The following OTULIN variants were observed in gnomAD, a reference collection of about 807,000 sequenced individuals.
OTULIN encodes OTU deubiquitinase with linear linkage specificity.
A neutral mutation model predicts 39.6 loss-of-function variants in OTULIN; 15 were observed. That is an observed-to-expected ratio of 0.38 (90% CI 0.25 to 0.58). The LOEUF (loss-of-function observed/expected upper bound fraction) is 0.58, where lower values mean the gene tolerates loss of function less well. Ranked by LOEUF, OTULIN falls within the 20% of genes least tolerant of loss-of-function variation. The probability of loss-of-function intolerance (pLI) is 0.66; values close to 1 mark genes in which losing one functional copy is unlikely to be tolerated. For missense variants in OTULIN, 319 were observed against 445.9 expected (o/e 0.72, Z 2.56); for synonymous variants, 156 against 170.3 (o/e 0.92, Z 0.65).
At chr5:14,712,477 T>C in the OTULIN span, among the ~76,000 whole-genome samples, 1 of 152,272 alleles carries the variant, frequency 6.6e-6, no homozygotes, top group Admixed American at 6.5e-5. Flanking sequence ...AGCTCCTGTC[T>C]TGGACTGCCC....
chr5:14,679,688 A>G (rs527622412), intron 3 of OTULIN, among the ~76,000 whole-genome samples: 2 of 152,330 alleles, frequency 1.3e-5, no homozygotes, highest in African/African-American at 4.8e-5. Context: ...TTTATAGAAA[A>G]TGATTGCTCA....
At position 14,690,800 on chromosome 5, in the gene OTULIN, A is replaced by C. The variant is rs1005241982; in HGVS notation, c.864+492A>C. 1.3e-5 allele frequency among the ~76,000 whole-genome samples: 2 copies of C among 152,166 alleles called. No individual in the cohort carries two copies. Among genetic ancestry groups the C allele is most frequent in the African/African-American group, 4.8e-5 (2 of 41,446 alleles). ...GGGGAATTTGGCTCCACCTTTTTGAATGAGGGGTACCAAAGAATTGTGGAC... is the reference window on the plus strand; with the variant it reads ...GGGGAATTTGGCTCCACCTTTTTGACTGAGGGGTACCAAAGAATTGTGGAC... On this transcript the variant is annotated intron_variant, in intron 6 of 6. Coordinates refer to ENST00000284274, the MANE Select transcript of OTULIN (RefSeq NM_138348.6). The surrounding 1 kb of genome is among the most constrained non-coding windows in gnomAD (Gnocchi z 4.5).
At position 14,697,423 on chromosome 5, in the gene OTULIN, T is replaced by A. The variant is rs2126354294; in HGVS notation, c.*4375T>A. On this transcript the variant is annotated 3_prime_UTR_variant, in exon 7 of 7. Transcript: ENST00000284274. ...AGCTCCTGGCCTCAGGTGATCCACC[T>A]GCTTTGGCCTCCCAAAGTGCTGAGA... 6.6e-6 allele frequency: 1 copy of A among 152,268 alleles called. No individual in the cohort carries two copies. The highest frequency in any genetic ancestry group is 1.5e-5 in the Non-Finnish European group (1 of 68,018). The allele number at this position is 152,268 out of a possible 1,614,324, so 9.4% of individuals were successfully genotyped here.
chr5:14,678,972 A>G (rs1736176633), intron 3 of OTULIN, among the ~76,000 whole-genome samples, 197 bp downstream of exon 3: 1 of 152,252 alleles, frequency 6.6e-6, no homozygotes, highest in Admixed American at 6.5e-5. Context: ...ATATAGAATC[A>G]GCATCAGTTA....
intron 1 of OTULIN, among the ~76,000 whole-genome samples, chr5:14,673,263 C>T (rs1218500788): frequency 6.6e-6 from 1 of 152,218 alleles, no homozygotes; most frequent in Admixed American, 6.5e-5. Context: ...ATATTTTTAT[C>T]AGCACTATCT....
At chr5:14,665,002 C>G in intron 1 of OTULIN, 25 bp downstream of exon 1, 1 of 1,040,182 alleles carries the variant, frequency 9.6e-7, no homozygotes, top group Non-Finnish European at 1.2e-6. Context: ...GCGCGGGGCG[C>G]GGGCCGTGGG....
chr5:14,677,714 A>T (rs921608810), intron 2 of OTULIN, among the ~76,000 whole-genome samples: 5 of 152,192 alleles, frequency 3.3e-5, no homozygotes, highest in Non-Finnish European at 7.3e-5. Flanking sequence ...ATTAACAAAC[A>T]TGGAGAGTTC....
chr5:14,691,561 G>A (rs932992152), intron 6 of OTULIN, among the ~76,000 whole-genome samples: 2 of 151,728 alleles, frequency 1.3e-5, no homozygotes, highest in Admixed American at 6.6e-5. Flanking sequence ...AGTCTTTTCC[G>A]AGACCCTATA....
At chr5:14,713,110 A>C in the OTULIN span, 2 of 857,820 alleles carry the variant, frequency 2.3e-6, no homozygotes, top group Non-Finnish European at 1.9e-6. This position sits in a 1 kb window ranked among gnomAD's most constrained non-coding sequence, Gnocchi z 4.4. Flanking sequence ...TGGCTTCGTA[A>C]GGGCCGCAGC....
intron 6 of OTULIN, among the ~76,000 whole-genome samples, chr5:14,692,290 G>A (rs539679121): frequency 1.2e-4 from 19 of 152,298 alleles, no homozygotes; most frequent in African/African-American, 4.6e-4. Context: ...ATTTTAAAGT[G>A]TACATCTCAT....
At chr5:14,669,296 C>A (rs893901772) in intron 1 of OTULIN, among the ~76,000 whole-genome samples, 1 of 152,074 alleles carries the variant, frequency 6.6e-6, no homozygotes, top group African/African-American at 2.4e-5. Flanking sequence ...ACCTGGGAGG[C>A]AGAGGTTGCA....
In OTULIN at chr5:14,692,932, T is replaced by C; in HGVS notation, c.943T>C (p.Phe315Leu). The C allele has an allele frequency of 6.2e-7, 1 of 1,614,168 alleles. No individual in the cohort carries two copies. The highest frequency in any genetic ancestry group is 8.5e-7 in the Non-Finnish European group (1 of 1,180,030). The change falls in exon 7 of 7, where the codon TTC becomes CTC. Residue 315 changes from phenylalanine to leucine, a missense_variant. This residue lies in a region of OTULIN where 106 missense variants were observed against 192.8 expected (regional missense o/e 0.55). Coordinates refer to ENST00000284274, the MANE Select transcript of OTULIN (RefSeq NM_138348.6). ...YRLSKYNTEE[F>L]ITVYPTDPPK... ...GCTCTCCAAGTACAACACGGAAGAA[T>C]TCATCACAGTCTACCCCACCGACCC... is the stretch of plus-strand genomic sequence containing the variant.
At chr5:14,666,953 A>G (rs1291753191) in intron 1 of OTULIN, among the ~76,000 whole-genome samples, 2 of 152,236 alleles carry the variant, frequency 1.3e-5, no homozygotes, top group Non-Finnish European at 1.5e-5. Context: ...ATACAGCTTA[A>G]TAGTTGAGTA....
chr5:14,706,686 T>C, the OTULIN span: 26 of 152,350 alleles, frequency 1.7e-4, no homozygotes, highest in African/African-American at 6.0e-4. Context: ...CCCTTTTACG[T>C]TTCTCATCAG....
chr5:14,673,841 C>T, intron 2 of OTULIN, 123 bp downstream of exon 2: 1 of 728,874 alleles, frequency 1.4e-6, no homozygotes, highest in Admixed American at 3.2e-5. Context: ...GTCTTATCTA[C>T]ATTGATTGTT....
intron 4 of OTULIN, 82 bp from the exon 5 acceptor site, chr5:14,687,439 G>A (rs1561000315): frequency 6.7e-7 from 1 of 1,483,980 alleles, no homozygotes; most frequent in Non-Finnish European, 9.1e-7. Context: ...TATAGACTTT[G>A]TGGTTTCTTA....
chr5:14,701,494 ACT>A (rs768697449), downstream of OTULIN, among the ~76,000 whole-genome samples: 5 of 152,132 alleles, frequency 3.3e-5, no homozygotes, highest in Admixed American at 6.5e-5. Flanking sequence ...ACACCAGCCC[ACT>A]GAGTCCCCAG....
chr5:14,709,591 C>A, the OTULIN span: 1 of 152,328 alleles, frequency 6.6e-6, no homozygotes, highest in Admixed American at 6.5e-5. Flanking sequence ...AAAGGGCCTG[C>A]CTTTTTCTTT....
chr5:14,678,822 C>G (rs1266003739), intron 3 of OTULIN, 47 bp downstream of exon 3: 6 of 1,287,568 alleles, frequency 4.7e-6, no homozygotes, highest in Non-Finnish European at 5.4e-6. Flanking sequence ...AATAGTCTAT[C>G]ATAAGTTGTT....
Sources: gnomAD v4.1 joint callset for allele counts (sites outside exome capture counted in the v4.1 genomes callset) on GRCh38, gnomAD v4.1.1 for gene constraint, gnomAD v4.1.1 regional missense constraint, Gnocchi (gnomAD v3.1) non-coding constraint, MANE v1.5 for transcripts, NCBI Gene and HGNC (gene_info 2026-07-23, HGNC 2026-07-21) for gene names.